KIF16B: variants seen among roughly 807,000 people sequenced by gnomAD.
The protein encoded by KIF16B is kinesin-like protein KIF16B.
A neutral mutation model predicts 156.3 loss-of-function variants in KIF16B; 98 were observed. The ratio of observed to expected loss-of-function variants is 0.63; its 90% CI spans 0.53 to 0.74. KIF16B has a LOEUF of 0.74. Ranked by LOEUF, KIF16B falls within the 30% of genes least tolerant of loss-of-function variation. The pLI is 0.00. For missense variants in KIF16B, 1,421 were observed against 1,606.5 expected (o/e 0.88, Z 1.97); for synonymous variants, 564 against 583.7 (o/e 0.97, Z 0.49).
At chr20:16,543,304 C>A (rs1307963330) in intron 1 of KIF16B, among the ~76,000 whole-genome samples, 1 of 152,178 alleles carries the variant, frequency 6.6e-6, no homozygotes. Flanking sequence ...GCCCAACCCA[C>A]CTATCCCCAA....
At chr20:16,435,695 T>C (rs1266022366) in intron 12 of KIF16B, among the ~76,000 whole-genome samples, 3 of 152,334 alleles carry the variant, frequency 2.0e-5, no homozygotes, top group African/African-American at 4.8e-5. Flanking sequence ...TTCTATTTCT[T>C]TCAGTTTCTG....
intron 15 of KIF16B, among the ~76,000 whole-genome samples, chr20:16,416,241 T>G: frequency 6.6e-6 from 1 of 152,202 alleles, no homozygotes; most frequent in East Asian, 1.9e-4. Context: ...ATTTTTGCTT[T>G]TGTTGCAACT....
At chr20:16,470,646 G>A (rs964371979) in intron 12 of KIF16B, among the ~76,000 whole-genome samples, 1 of 150,400 alleles carries the variant, frequency 6.6e-6, no homozygotes, top group Non-Finnish European at 1.5e-5. Context: ...ACCATGCCCA[G>A]CAAATTCTTT....
At chr20:16,277,127 T>C (rs2122267812) in intron 25 of KIF16B, among the ~76,000 whole-genome samples, 1 of 152,302 alleles carries the variant, frequency 6.6e-6, no homozygotes, top group Admixed American at 6.5e-5. Context: ...TGGGATATAC[T>C]CTTTTGTGTC....
intron 12 of KIF16B, among the ~76,000 whole-genome samples, chr20:16,457,254 A>C (rs1356300171): frequency 2.0e-5 from 3 of 152,192 alleles, no homozygotes; most frequent in Non-Finnish European, 4.4e-5. Context: ...AAACTGTGTC[A>C]GTAACCTATT....
At chr20:16,287,401 G>A (rs886345682) in intron 25 of KIF16B, among the ~76,000 whole-genome samples, 8 of 152,154 alleles carry the variant, frequency 5.3e-5, no homozygotes, top group African/African-American at 1.9e-4. Context: ...TGATGTTATA[G>A]AGAAGTCTGA....
chr20:16,476,123 C>T (rs1381145675), intron 12 of KIF16B, among the ~76,000 whole-genome samples: 1 of 152,222 alleles, frequency 6.6e-6, no homozygotes, highest in Non-Finnish European at 1.5e-5. Flanking sequence ...CAAATACAAA[C>T]AGGCAGAGCG....
At chr20:16,540,222 T>C (rs1454220609) in intron 1 of KIF16B, among the ~76,000 whole-genome samples, 1 of 152,210 alleles carries the variant, frequency 6.6e-6, no homozygotes, top group African/African-American at 2.4e-5. Flanking sequence ...TATGCGCGTC[T>C]ATGATTCTAG....
At chr20:16,520,578 G>T (rs1471475979) in intron 3 of KIF16B, among the ~76,000 whole-genome samples, 1 of 152,202 alleles carries the variant, frequency 6.6e-6, no homozygotes, top group Non-Finnish European at 1.5e-5. Flanking sequence ...GAGCACCTGG[G>T]AGAAGGGGTG....
intron 25 of KIF16B, among the ~76,000 whole-genome samples, chr20:16,300,144 AAAGGGAAT>A: frequency 6.6e-6 from 1 of 152,182 alleles, no homozygotes; most frequent in Non-Finnish European, 1.5e-5. Context: ...TTTAACACGG[AAAGGGAAT>A]CCCACTAGGT....
chr20:16,480,654 AGAG>A lies in KIF16B; in HGVS notation c.1302+13634_1302+13636del, dbSNP rs2067955148. The stretch of plus-strand genomic sequence containing the variant: ...GACACAATGCACAGAACAACCGCAG[AGAG>A]GAGGAAAGAGCTAGGAAGCTGGCAA... On this transcript the variant is annotated intron_variant, in intron 12 of 25. Transcript: ENST00000354981. Among the ~76,000 whole-genome samples the A allele has an allele frequency of 1.3e-5, 2 of 152,240 alleles. 1 individual carries two copies. The highest frequency in any genetic ancestry group is 4.8e-5 in the African/African-American group (2 of 41,470).
At chr20:16,341,740 G>C (rs2064142816) in intron 23 of KIF16B, among the ~76,000 whole-genome samples, 1 of 152,218 alleles carries the variant, frequency 6.6e-6, no homozygotes, top group African/African-American at 2.4e-5. Flanking sequence ...CCAGCAGTCT[G>C]TTCTGACCAA....
intron 1 of KIF16B, among the ~76,000 whole-genome samples, chr20:16,548,937 G>A (rs2070520150): frequency 6.6e-6 from 1 of 151,228 alleles, no homozygotes. Context: ...GCAGCAAAGG[G>A]AAATGGTCTA....
rs770416579 is a variant in KIF16B, at chr20:16,274,256, T to C, written c.3796-845A>G. Among the ~76,000 whole-genome samples the C allele has an allele frequency of 6.8e-4, 104 of 152,182 alleles. 2 individuals carry two copies. Among genetic ancestry groups the C allele is most frequent in the Non-Finnish European group, 2.9e-4 (20 of 68,032 alleles). On this transcript the variant is annotated intron_variant, in intron 25 of 25. Transcript: ENST00000354981. Reference sequence around the variant, plus strand: ...ACTGATATTTACAGATCTTTTTGCATGTCCTATAATCATCAACAAAAAGGA... The same window carrying C: ...ACTGATATTTACAGATCTTTTTGCACGTCCTATAATCATCAACAAAAAGGA...
At chr20:16,556,387 C>T (rs1192017814) in intron 1 of KIF16B, among the ~76,000 whole-genome samples, 1 of 152,246 alleles carries the variant, frequency 6.6e-6, no homozygotes, top group South Asian at 2.1e-4. Context: ...ACTATGCCCA[C>T]TGTGGCCTCG....
At chr20:16,407,944 G>A (rs972680808) in intron 15 of KIF16B, among the ~76,000 whole-genome samples, 1 of 152,074 alleles carries the variant, frequency 6.6e-6, no homozygotes, top group Admixed American at 6.6e-5. Context: ...ATCTTTGTTT[G>A]CACTTAGCAA....
chr20:16,476,549 T>A (rs6043990), intron 12 of KIF16B, among the ~76,000 whole-genome samples: 240 of 152,262 alleles, frequency 1.6e-3, no homozygotes, highest in African/African-American at 5.2e-3. Flanking sequence ...TTATTCAAAA[T>A]CAACTCGCAA....
chr20:16,302,701 C>A (rs1204302952), intron 25 of KIF16B, among the ~76,000 whole-genome samples: 1 of 152,132 alleles, frequency 6.6e-6, no homozygotes, highest in African/African-American at 2.4e-5. Context: ...TAGTTTTACT[C>A]ATATAGAGCT....
At chr20:16,338,139 A>T (rs2064073817) in intron 23 of KIF16B, among the ~76,000 whole-genome samples, 3 of 152,160 alleles carry the variant, frequency 2.0e-5, no homozygotes, top group Middle Eastern at 3.4e-3. Flanking sequence ...CTTCTGGAAC[A>T]TCCCTTTCAT....
Sources: allele counts gnomAD v4.1 joint callset (sites outside exome capture counted in the v4.1 genomes callset), GRCh38; gene constraint gnomAD v4.1.1; transcripts MANE v1.5; gene names NCBI Gene and HGNC (gene_info 2026-07-23, HGNC 2026-07-21).